PPP1R12B: variants seen among roughly 807,000 people sequenced by gnomAD.
The protein encoded by PPP1R12B is myosin phosphatase target subunit 2.
Under a neutral mutation model 126.1 loss-of-function variants are expected in PPP1R12B, and 76 were observed. The ratio of observed to expected loss-of-function variants is 0.60; its 90% CI spans 0.50 to 0.73. The LOEUF is 0.73. Ranked by LOEUF, PPP1R12B falls within the 30% of genes least tolerant of loss-of-function variation. PPP1R12B has a pLI of 0.00. For synonymous variants in PPP1R12B, 356 were observed against 434.7 expected (o/e 0.82, Z 2.25); for missense variants, 1,052 against 1,205.1 (o/e 0.87, Z 1.88).
chr1:202,504,395 C>A (rs1369588978), intron 18 of PPP1R12B, among the ~76,000 whole-genome samples: 2 of 151,622 alleles, frequency 1.3e-5, no homozygotes, highest in East Asian at 3.9e-4. Flanking sequence ...CCTGTCCCCC[C>A]CAAAAAAAGA....
rs1471044090 is a variant in PPP1R12B at position 202,449,028 on chromosome 1, A to G, written c.1707A>G (p.Lys569=). The change falls in exon 13 of 24, where the codon AAA becomes AAG. Residue 569 remains lysine, a synonymous_variant. Coordinates refer to ENST00000608999, the MANE Select transcript of PPP1R12B (RefSeq NM_002481.4). ...HKSQADTTAE[K]TADNVSSSTP... is the part of the protein sequence containing the mutation. The stretch of plus-strand genomic sequence containing the variant: ...CCCAGGCCGACACAACAGCAGAGAA[A>G]ACAGCAGACAATGTCTCTTCTAGCA... 6.2e-7 allele frequency: 1 copy of G among 1,613,866 alleles called. No homozygotes were observed. Among genetic ancestry groups the G allele is most frequent in the Admixed American group, 1.7e-5 (1 of 60,012 alleles).
At chr1:202,575,132 T>A (rs1688979554) in intron 23 of PPP1R12B, 1 of 1,613,124 alleles carries the variant, frequency 6.2e-7, no homozygotes, top group South Asian at 1.1e-5. Context: ...ACCCAGGAGC[T>A]CTAGTTCTTG....
Position 202,488,639 on chromosome 1 carries a change from T to C in PPP1R12B, c.1941+16T>C, listed in dbSNP as rs1207314813. ...GTCTACTCAAGTGAGTGTGGCTTTTTTTAAAATGTCATTTTGTGTATCTAC... is the reference window on the plus strand; with the variant it reads ...GTCTACTCAAGTGAGTGTGGCTTTTCTTAAAATGTCATTTTGTGTATCTAC... On this transcript the variant is annotated intron_variant, in intron 14 of 23. Transcript: ENST00000608999. 1.3e-6 allele frequency: 2 copies of C among 1,580,020 alleles called. No homozygotes were observed. The highest frequency in any genetic ancestry group is 8.7e-7 in the Non-Finnish European group (1 of 1,153,200).
intron 1 of PPP1R12B, among the ~76,000 whole-genome samples, chr1:202,375,285 A>G (rs1442371191): frequency 6.6e-6 from 1 of 152,046 alleles, no homozygotes; most frequent in Non-Finnish European, 1.5e-5. Flanking sequence ...AAACCTGAAT[A>G]TTTCACACCT....
chr1:202,580,706 CA>C lies in PPP1R12B; in HGVS notation c.*147del. ...ATCACCCTCTTCAGTCACCTCTATA[CA>C]CTCTACATTTTCTCTGCACTTTCAA... On this transcript the variant is annotated 3_prime_UTR_variant, in exon 24 of 24. Coordinates refer to ENST00000608999, the MANE Select transcript of PPP1R12B (RefSeq NM_002481.4). 1.5e-6 allele frequency: 1 copy of C among 650,512 alleles called. No homozygotes were observed. 40.3% of individuals were successfully genotyped at this position (650,512 alleles called of 1,614,324 possible). A position where few individuals can be genotyped will look rare whatever the true frequency, so the allele number is the denominator to read the frequency against.
chr1:202,421,595 G>A (rs12734071), intron 2 of PPP1R12B, among the ~76,000 whole-genome samples: 1 of 149,682 alleles, frequency 6.7e-6, no homozygotes, highest in South Asian at 2.1e-4. Flanking sequence ...AGCCGAGATC[G>A]CACCATTGCA....
intron 1 of PPP1R12B, among the ~76,000 whole-genome samples, chr1:202,356,046 T>G (rs1657029530): frequency 6.6e-6 from 1 of 151,822 alleles, no homozygotes; most frequent in African/African-American, 2.4e-5. Flanking sequence ...CCAGGTATGG[T>G]GGTGCAAACA....
intron 18 of PPP1R12B, among the ~76,000 whole-genome samples, chr1:202,536,528 G>A (rs1401890649): frequency 1.3e-5 from 2 of 152,132 alleles, no homozygotes; most frequent in African/African-American, 4.8e-5. Flanking sequence ...GTGAGTGAAG[G>A]CCTAGGACAT....
intron 18 of PPP1R12B, among the ~76,000 whole-genome samples, chr1:202,549,600 A>G (rs574305671): frequency 6.6e-6 from 1 of 151,990 alleles, no homozygotes; most frequent in East Asian, 1.9e-4. Flanking sequence ...TTGTATTTTT[A>G]GTAGAGACGG....
At chr1:202,552,994 C>T (rs185292149) in intron 18 of PPP1R12B, among the ~76,000 whole-genome samples, 1 of 152,320 alleles carries the variant, frequency 6.6e-6, no homozygotes, top group Non-Finnish European at 1.5e-5. Context: ...ACACATTTCA[C>T]AAATCAAAAC....
intron 18 of PPP1R12B, among the ~76,000 whole-genome samples, chr1:202,544,159 A>G (rs1369218539): frequency 2.6e-5 from 4 of 152,226 alleles, no homozygotes; most frequent in Admixed American, 6.5e-5. Flanking sequence ...TGCTGGGTTC[A>G]TACAATTAGT....
intron 1 of PPP1R12B, among the ~76,000 whole-genome samples, chr1:202,356,762 C>T (rs919139547): frequency 2.0e-5 from 3 of 151,436 alleles, no homozygotes; most frequent in Non-Finnish European, 4.4e-5. Context: ...AGAGCCTCCA[C>T]ATAAGGAACC....
At chr1:202,389,416 G>A (rs1235121163) in intron 1 of PPP1R12B, among the ~76,000 whole-genome samples, 5 of 151,890 alleles carry the variant, frequency 3.3e-5, no homozygotes, top group South Asian at 2.1e-4. Flanking sequence ...AGGCTGAGGC[G>A]GGTGGATCAC....
intron 12 of PPP1R12B, chr1:202,445,042 G>T (rs1473201696): frequency 8.0e-7 from 1 of 1,247,120 alleles, no homozygotes; most frequent in East Asian, 3.2e-5. Context: ...GTGCTGTTTT[G>T]CAGTGCTTCA....
At position 202,439,174 on chromosome 1, in the gene PPP1R12B, G is replaced by A. The variant is rs572961343; in HGVS notation, c.1458+1150G>A. ...AGTGTCTGAACAACCTGGCGGCCTC[G>A]CAGCTGAAGCTCGACCACTACTGCG... On this transcript the variant is annotated intron_variant, in intron 10 of 23. Transcript: ENST00000608999. 153 of 1,569,162 alleles carry A rather than the reference G, an allele frequency of 9.8e-5. No homozygotes were observed. In the African/African-American group the frequency reaches 1.4e-3, roughly 15 times the overall value.
At chr1:202,391,653 A>T (rs1259267903) in intron 1 of PPP1R12B, among the ~76,000 whole-genome samples, 1 of 86,786 alleles carries the variant, frequency 1.2e-5, no homozygotes, top group Non-Finnish European at 2.3e-5. Flanking sequence ...AATTATCTTC[A>T]GGTGTACTGA....
chr1:202,394,647 A>C (rs1322836711), intron 1 of PPP1R12B, among the ~76,000 whole-genome samples: 1 of 152,046 alleles, frequency 6.6e-6, no homozygotes, highest in Non-Finnish European at 1.5e-5. Context: ...CTAGCTGCTC[A>C]GGAGGCTGAG....
In PPP1R12B at chr1:202,586,518, G is replaced by A. The variant is rs868498762; in HGVS notation, c.*5958G>A. On this transcript the variant is annotated 3_prime_UTR_variant, in exon 24 of 24. Transcript: ENST00000608999. Reference sequence around the variant, plus strand: ...TATTGACACTGCTCAGGAAGCAGTAGACCCTGTCAGGGACAGCTATTGATC... The same window carrying A: ...TATTGACACTGCTCAGGAAGCAGTAAACCCTGTCAGGGACAGCTATTGATC... 6.6e-6 allele frequency: 1 copy of A among 152,236 alleles called. No individual in the cohort carries two copies. The highest frequency in any genetic ancestry group is 2.4e-5 in the African/African-American group (1 of 41,454). The allele number at this position is 152,236 out of a possible 1,614,324, so 9.4% of individuals were successfully genotyped here. A position where few individuals can be genotyped will look rare whatever the true frequency, so the allele number is the denominator to read the frequency against.
chr1:202,575,572 C>G (rs1689020086), intron 23 of PPP1R12B: 2 of 153,876 alleles, frequency 1.3e-5, no homozygotes. Flanking sequence ...AACCCACTCC[C>G]CTGGAGCAAC....
Sources: gnomAD v4.1 joint callset for allele counts (sites outside exome capture counted in the v4.1 genomes callset) on GRCh38, gnomAD v4.1.1 for gene constraint, MANE v1.5 for transcripts, NCBI Gene and HGNC (gene_info 2026-07-23, HGNC 2026-07-21) for gene names.